NFATC2: variants seen among roughly 807,000 people sequenced by gnomAD.
NFATC2 encodes nuclear factor of activated T-cells, cytoplasmic 2.
Under a neutral mutation model 87.3 loss-of-function variants are expected in NFATC2, and 22 were observed. That is an observed-to-expected ratio of 0.25 (90% CI 0.18 to 0.36). The LOEUF (loss-of-function observed/expected upper bound fraction) is 0.36. NFATC2 is among the 10% of genes least tolerant of loss of function. The pLI is 1.00. For synonymous variants in NFATC2, 565 were observed against 542.2 expected (o/e 1.04, Z -0.58); for missense variants, 1,149 against 1,259.1 (o/e 0.91, Z 1.32).
chr20:51,399,106 A>C (rs919254875), intron 9 of NFATC2: 2 of 186,482 alleles, frequency 1.1e-5, no homozygotes, highest in Non-Finnish European at 2.3e-5. Flanking sequence ...ATTTCATTAA[A>C]GATCTACTCA....
At chr20:51,406,864 G>T (rs1978390219) in intron 9 of NFATC2, among the ~76,000 whole-genome samples, 1 of 152,208 alleles carries the variant, frequency 6.6e-6, no homozygotes. Context: ...GCAGAAGCCT[G>T]GGTGTTATGA....
chr20:51,530,784 C>G (rs2076620468), intron 1 of NFATC2, among the ~76,000 whole-genome samples: 1 of 152,126 alleles, frequency 6.6e-6, no homozygotes, highest in African/African-American at 2.4e-5. Context: ...CATGACTTGA[C>G]CTGAGCCACC....
intron 1 of NFATC2, among the ~76,000 whole-genome samples, chr20:51,550,742 C>G (rs1192571994): frequency 2.6e-5 from 4 of 152,134 alleles, no homozygotes; most frequent in Non-Finnish European, 5.9e-5. Context: ...TAACCCAACA[C>G]AAAGACTACT....
At chr20:51,486,042 C>T (rs978767837) in intron 3 of NFATC2, among the ~76,000 whole-genome samples, 16 of 152,048 alleles carry the variant, frequency 1.1e-4, no homozygotes, top group Non-Finnish European at 4.4e-5. Context: ...GAAACCCCGT[C>T]TCTACTACAA....
At chr20:51,557,709 G>A (rs1440070257) in intron 1 of NFATC2, among the ~76,000 whole-genome samples, 2 of 152,162 alleles carry the variant, frequency 1.3e-5, no homozygotes, top group Admixed American at 1.3e-4. Context: ...TCCGAATGCT[G>A]TGGTCCTAAC....
chr20:51,445,477 C>T (rs1248477120), intron 6 of NFATC2, among the ~76,000 whole-genome samples: 1 of 152,230 alleles, frequency 6.6e-6, no homozygotes, highest in Non-Finnish European at 1.5e-5. Flanking sequence ...TTCAGTTAAA[C>T]TTGGACTGCA....
chr20:51,447,563 T>C (rs927022934), intron 6 of NFATC2, among the ~76,000 whole-genome samples: 3 of 152,204 alleles, frequency 2.0e-5, no homozygotes, highest in African/African-American at 7.2e-5. Flanking sequence ...GGCAACCCCT[T>C]TCCCGCTGCC....
intron 3 of NFATC2, among the ~76,000 whole-genome samples, chr20:51,508,976 G>C (rs1248606648): frequency 6.6e-6 from 1 of 152,030 alleles, no homozygotes; most frequent in Non-Finnish European, 1.5e-5. Context: ...GCCTCGCTCA[G>C]AGTCCAAGTC....
intron 6 of NFATC2, among the ~76,000 whole-genome samples, chr20:51,445,750 C>T (rs1295742751): frequency 6.6e-6 from 1 of 152,206 alleles, no homozygotes; most frequent in Non-Finnish European, 1.5e-5. Flanking sequence ...CCTCACCTGC[C>T]ATGTGTCCCC....
At chr20:51,421,836 G>C (rs1028752115) in intron 9 of NFATC2, among the ~76,000 whole-genome samples, 1 of 152,072 alleles carries the variant, frequency 6.6e-6, no homozygotes, top group African/African-American at 2.4e-5. Flanking sequence ...CCAGTTGGCC[G>C]CTCCTTTTCC....
intron 1 of NFATC2, among the ~76,000 whole-genome samples, chr20:51,536,883 T>C (rs2076729228): frequency 6.8e-6 from 1 of 147,318 alleles, no homozygotes. Flanking sequence ...AGAACACTAT[T>C]TTTAGCAAGC....
intron 1 of NFATC2, among the ~76,000 whole-genome samples, chr20:51,548,314 T>C (rs1265713258): frequency 1.3e-5 from 2 of 152,148 alleles, no homozygotes; most frequent in African/African-American, 2.4e-5. Context: ...AAAAATCGCA[T>C]CCCCCGGCAT....
intron 6 of NFATC2, among the ~76,000 whole-genome samples, chr20:51,437,450 C>T (rs558515077): frequency 6.6e-6 from 1 of 152,288 alleles, no homozygotes; most frequent in East Asian, 1.9e-4. Context: ...TGAACCCCTC[C>T]CTACTTTTAA....
intron 6 of NFATC2, among the ~76,000 whole-genome samples, chr20:51,447,060 A>T (rs763270982): frequency 2.6e-4 from 38 of 145,130 alleles, no homozygotes; most frequent in Non-Finnish European, 5.1e-4. Flanking sequence ...TCCAGGGCAC[A>T]AATTCACGGA....
chr20:51,506,927 C>A (rs2076192930), intron 3 of NFATC2, among the ~76,000 whole-genome samples: 1 of 152,234 alleles, frequency 6.6e-6, no homozygotes, highest in South Asian at 2.1e-4. Flanking sequence ...AACCTGAATG[C>A]CTGACCCTAG....
rs1265772809 is a variant in NFATC2, at chr20:51,480,471, A to C, written c.1333-4811T>G. ...GCCAAGAATGGCCTCTCTGAGTTGA[A>C]GAGCAGCCTCTGGGTTGAGCTGGGC... On this transcript the variant is annotated intron_variant, in intron 3 of 10. Coordinates refer to ENST00000371564, the MANE Select transcript of NFATC2 (RefSeq NM_012340.5). The surrounding 1 kb of genome is among the most constrained non-coding windows in gnomAD (Gnocchi z 4.2). Among the ~76,000 whole-genome samples, 1 of 152,218 alleles carries C rather than the reference A, an allele frequency of 6.6e-6. No homozygotes were observed. The highest frequency in any genetic ancestry group is 1.9e-4 in the East Asian group (1 of 5,194).
Position 51,479,119 on chromosome 20 carries a change from T to C in NFATC2, c.1333-3459A>G, listed in dbSNP as rs901463385. On this transcript the variant is annotated intron_variant, in intron 3 of 10. Coordinates refer to ENST00000371564, the MANE Select transcript of NFATC2 (RefSeq NM_012340.5). Reference sequence around the variant, plus strand: ...CAAATGCTATAGATCAGGGCTTTTTTTTTCCCCCTGGAAAACTGGATGTTA... The same window carrying C: ...CAAATGCTATAGATCAGGGCTTTTTCTTTCCCCCTGGAAAACTGGATGTTA... Among the ~76,000 whole-genome samples the C allele has an allele frequency of 2.7e-5, 4 of 149,554 alleles. No homozygotes were observed. In the East Asian group the frequency reaches 5.8e-4, roughly 22 times the overall value.
intron 1 of NFATC2, among the ~76,000 whole-genome samples, chr20:51,555,500 G>C (rs1196020702): frequency 6.6e-6 from 1 of 152,098 alleles, no homozygotes; most frequent in African/African-American, 2.4e-5. Flanking sequence ...GGCTGAAGCA[G>C]GAAAATGGCG....
At chr20:51,465,642 T>A (rs1987605927) in intron 5 of NFATC2, among the ~76,000 whole-genome samples, 1 of 152,002 alleles carries the variant, frequency 6.6e-6, no homozygotes. Context: ...GTGAACAAGC[T>A]CCATCCTCAC....
Sources: gnomAD v4.1 joint callset for allele counts (sites outside exome capture counted in the v4.1 genomes callset) on GRCh38, gnomAD v4.1.1 for gene constraint, Gnocchi (gnomAD v3.1) non-coding constraint, MANE v1.5 for transcripts, NCBI Gene and HGNC (gene_info 2026-07-23, HGNC 2026-07-21) for gene names.